Variants in MEIS2 observed in about 807,000 individuals in gnomAD.
MEIS2 encodes Meis homeobox 2, also known as homeobox protein Meis2.
In MEIS2, 9 loss-of-function variants were observed where a neutral mutation model predicts 58.6. That is an observed-to-expected ratio of 0.15 (90% confidence interval 0.09 to 0.27). MEIS2 has a LOEUF of 0.27. Ranked by LOEUF, MEIS2 falls within the 10% of genes least tolerant of loss-of-function variation. The pLI, the probability that MEIS2 is intolerant of heterozygous loss-of-function variation, is 1.00. For synonymous variants in MEIS2, 221 were observed against 228.4 expected (o/e 0.97, Z 0.29); for missense variants, 427 against 635.0 (o/e 0.67, Z 3.52).
intron 9 of MEIS2, among the ~76,000 whole-genome samples, chr15:36,910,284 T>C (rs1229460974): frequency 6.6e-6 from 1 of 152,204 alleles, no homozygotes; most frequent in Non-Finnish European, 1.5e-5. Flanking sequence ...AAATGTGCTC[T>C]GAGGAACTCT....
intron 8 of MEIS2, among the ~76,000 whole-genome samples, chr15:36,970,262 G>C (rs1232395269): frequency 6.6e-6 from 1 of 152,044 alleles, no homozygotes; most frequent in Non-Finnish European, 1.5e-5. Flanking sequence ...AAATTAGCCA[G>C]GCGTGGTGGC....
At chr15:37,017,161 A>G (rs1301845880) in intron 8 of MEIS2, among the ~76,000 whole-genome samples, 3 of 152,212 alleles carry the variant, frequency 2.0e-5, no homozygotes, top group African/African-American at 7.2e-5. Context: ...CCGATAGAAA[A>G]TAATAAAATT....
At chr15:36,988,205 C>A (rs1401578110) in intron 8 of MEIS2, among the ~76,000 whole-genome samples, 1 of 152,136 alleles carries the variant, frequency 6.6e-6, no homozygotes, top group Non-Finnish European at 1.5e-5. Flanking sequence ...CTGCACTAAT[C>A]ACTATATATA....
chr15:37,081,109 G>T (rs1947864370), intron 7 of MEIS2, among the ~76,000 whole-genome samples: 1 of 152,052 alleles, frequency 6.6e-6, no homozygotes, highest in South Asian at 2.1e-4. Context: ...ATAGCATGTG[G>T]CTATTAAAGT....
chr15:37,036,057 A>G (rs1449202327), intron 8 of MEIS2, among the ~76,000 whole-genome samples: 1 of 151,718 alleles, frequency 6.6e-6, no homozygotes, highest in Non-Finnish European at 1.5e-5. Flanking sequence ...ATCTGTAAAA[A>G]TATATTGTAA....
intron 8 of MEIS2, among the ~76,000 whole-genome samples, chr15:37,036,081 A>G (rs2062139782): frequency 6.6e-6 from 1 of 152,222 alleles, no homozygotes. Context: ...TTTTGTCATA[A>G]GAGTCTTAGA....
chr15:37,004,759 G>C (rs556191912), intron 8 of MEIS2, among the ~76,000 whole-genome samples: 1 of 152,258 alleles, frequency 6.6e-6, no homozygotes, highest in South Asian at 2.1e-4. Context: ...GGTAGGCTTT[G>C]AGCCACATCA....
At chr15:36,941,677 A>G (rs1257207080) in intron 9 of MEIS2, among the ~76,000 whole-genome samples, 1 of 152,230 alleles carries the variant, frequency 6.6e-6, no homozygotes, top group Admixed American at 6.5e-5. Flanking sequence ...GTAAAAGTAT[A>G]CAAACATCTG....
At chr15:36,976,862 G>T (rs1042748735) in intron 8 of MEIS2, among the ~76,000 whole-genome samples, 3 of 152,170 alleles carry the variant, frequency 2.0e-5, no homozygotes, top group Non-Finnish European at 4.4e-5. Flanking sequence ...AGGGGCTCAC[G>T]CCTGTAATCC....
chr15:37,006,972 C>T (rs992554459), intron 8 of MEIS2, among the ~76,000 whole-genome samples: 7 of 152,196 alleles, frequency 4.6e-5, no homozygotes, highest in Admixed American at 2.0e-4. Flanking sequence ...GTTGTAGGAT[C>T]GTCTGCCACC....
intron 7 of MEIS2, among the ~76,000 whole-genome samples, chr15:37,057,790 T>A (rs1013650670): frequency 3.3e-5 from 5 of 152,134 alleles, no homozygotes; most frequent in Non-Finnish European, 7.3e-5. Context: ...ACAGAGAACA[T>A]CACAGAATGA....
At position 36,889,417 on chromosome 15, in the gene MEIS2, T is replaced by A. The variant is rs2055780198; in HGVS notation, c.*2756A>T. The A allele has an allele frequency of 6.6e-6, 1 of 152,036 alleles. No individual in the cohort carries two copies. The highest frequency in any genetic ancestry group is 2.4e-5 in the African/African-American group (1 of 41,364). 9.4% of individuals were successfully genotyped at this position (152,036 alleles called of 1,614,324 possible). A position where few individuals can be genotyped will look rare whatever the true frequency, so the allele number is the denominator to read the frequency against. On this transcript the variant is annotated 3_prime_UTR_variant, in exon 12 of 12. Transcript: ENST00000561208. ...AAAAGCATTATAAAAATTGGACAAA[T>A]CTATCACTTCTCTGTGTTATCATGG... is the stretch of plus-strand genomic sequence containing the variant.
chr15:37,064,674 G>A (rs1889685409), intron 7 of MEIS2, among the ~76,000 whole-genome samples: 1 of 152,116 alleles, frequency 6.6e-6, no homozygotes, highest in Non-Finnish European at 1.5e-5. Context: ...CCTAGAACTT[G>A]AGCAAAGGAA....
intron 8 of MEIS2, among the ~76,000 whole-genome samples, chr15:36,969,227 A>C (rs2059453952): frequency 6.6e-6 from 1 of 152,218 alleles, no homozygotes; most frequent in Non-Finnish European, 1.5e-5. Context: ...AAAGGGTGAG[A>C]ATTGAGAGGA....
chr15:36,958,769 T>C (rs772509290), intron 8 of MEIS2, among the ~76,000 whole-genome samples: 71 of 152,316 alleles, frequency 4.7e-4, no homozygotes, highest in Non-Finnish European at 8.7e-4. Context: ...CATGTTATGC[T>C]GCCTACATGG....
chr15:37,002,491 GT>G lies in MEIS2; in HGVS notation c.900+34322del, dbSNP rs771127908. On this transcript the variant is annotated intron_variant, in intron 8 of 11. Coordinates refer to ENST00000561208, the MANE Select transcript of MEIS2 (RefSeq NM_170675.5). The stretch of plus-strand genomic sequence containing the variant: ...TTTAAATTTCTTGAGGGCAGGCTGG[GT>G]TCTGACTCATCTTTGCATCCTCCTT... 8.9e-4 allele frequency among the ~76,000 whole-genome samples: 136 copies of G among 152,232 alleles called. 1 individual carries two copies. The highest frequency in any genetic ancestry group is 5.1e-4 in the Non-Finnish European group (35 of 68,026).
chr15:36,976,468 GTATAT>G (rs920723407), intron 8 of MEIS2, among the ~76,000 whole-genome samples: 9 of 148,674 alleles, frequency 6.1e-5, no homozygotes, highest in African/African-American at 2.2e-4. Context: ...ATATCCATAT[GTATAT>G]TATATTATAT....
chr15:36,951,673 G>A (rs920932295), intron 8 of MEIS2, among the ~76,000 whole-genome samples: 11 of 152,134 alleles, frequency 7.2e-5, no homozygotes, highest in Admixed American at 6.6e-5. Flanking sequence ...ATAGAAGCCA[G>A]GCTTTTAATA....
intron 8 of MEIS2, among the ~76,000 whole-genome samples, chr15:36,986,067 G>C (rs756443675): frequency 1.3e-5 from 2 of 152,098 alleles, no homozygotes; most frequent in African/African-American, 2.4e-5. Flanking sequence ...AATTATACTG[G>C]AAACTGCTAG....
Sources: gnomAD v4.1 joint callset for allele counts (sites outside exome capture counted in the v4.1 genomes callset) on GRCh38, gnomAD v4.1.1 for gene constraint, MANE v1.5 for transcripts, NCBI Gene and HGNC (gene_info 2026-07-23, HGNC 2026-07-21) for gene names.